Variants in LYPD6B observed in about 807,000 individuals in gnomAD.
LYPD6B encodes ly6/PLAUR domain-containing protein 6B.
In LYPD6B, 17 loss-of-function variants were observed where a neutral mutation model predicts 22.8. The ratio of observed to expected loss-of-function variants is 0.75; its 90% CI spans 0.51 to 1.12. The LOEUF is 1.12. Ranked by LOEUF, LYPD6B falls within the 50% of genes most tolerant of loss-of-function variation. The pLI is 0.00. For synonymous variants in LYPD6B, 106 were observed against 91.6 expected, an observed-to-expected ratio of 1.16 and a Z score of -0.90; for missense variants, 221 against 258.3, an observed-to-expected ratio of 0.86 and a Z score of 0.99.
intron 1 of LYPD6B, among the ~76,000 whole-genome samples, chr2:149,063,754 AATT>A (rs1368443065): frequency 6.6e-6 from 1 of 152,224 alleles, no homozygotes; most frequent in Non-Finnish European, 1.5e-5. Context: ...TTGCAAATCA[AATT>A]ATAGAAAAAG....
chr2:149,045,304 C>T (rs1459793506), intron 1 of LYPD6B, among the ~76,000 whole-genome samples: 1 of 151,936 alleles, frequency 6.6e-6, no homozygotes, highest in Non-Finnish European at 1.5e-5. Context: ...CTTATGTCTT[C>T]AGTCTTTTTC....
At chr2:149,208,469 G>A in intron 5 of LYPD6B, 57 bp downstream of exon 5, 4 of 1,309,792 alleles carry the variant, frequency 3.1e-6, no homozygotes, top group Admixed American at 1.7e-5. Flanking sequence ...AATCTCTCCT[G>A]ACTTGATGAT....
intron 3 of LYPD6B, among the ~76,000 whole-genome samples, chr2:149,183,995 C>A (rs578069168): frequency 4.7e-4 from 71 of 152,064 alleles, no homozygotes; most frequent in Non-Finnish European, 7.5e-4. Context: ...GAGTTTGAGA[C>A]CAGCCTGACT....
At chr2:149,211,534 A>C (rs1693852076) in intron 5 of LYPD6B, among the ~76,000 whole-genome samples, 1 of 152,116 alleles carries the variant, frequency 6.6e-6, no homozygotes, top group South Asian at 2.1e-4. Context: ...TACCTGGCTG[A>C]TAGTGCACAC....
chr2:149,147,024 G>A (rs1475160473), intron 2 of LYPD6B, among the ~76,000 whole-genome samples: 1 of 152,164 alleles, frequency 6.6e-6, no homozygotes, highest in Non-Finnish European at 1.5e-5. Context: ...GGATGGTCAG[G>A]TGAAGGGCTC....
intron 1 of LYPD6B, among the ~76,000 whole-genome samples, chr2:149,040,094 T>G (rs1683004359): frequency 6.6e-6 from 1 of 152,088 alleles, no homozygotes; most frequent in African/African-American, 2.4e-5. Flanking sequence ...GTATGGACGA[T>G]AAATAGGACT....
chr2:149,056,514 C>G (rs1020431346), intron 1 of LYPD6B, among the ~76,000 whole-genome samples: 1 of 151,956 alleles, frequency 6.6e-6, no homozygotes, highest in African/African-American at 2.4e-5. Flanking sequence ...AGAACTGGAG[C>G]CTTGGAAATC....
At chr2:149,072,482 T>TTTTTATTTTATTTTATTTTA (rs59980462) in intron 1 of LYPD6B, among the ~76,000 whole-genome samples, 7,246 of 129,726 alleles carry the variant, frequency 0.056, 350 homozygotes, top group Non-Finnish European at 0.074. Flanking sequence ...AGGGTGGTTA[T>TTTTTATTTTATTTTATTTTA]TTTTATTTTA....
At chr2:149,138,413 G>A (rs1374029247) in intron 2 of LYPD6B, among the ~76,000 whole-genome samples, 1 of 152,206 alleles carries the variant, frequency 6.6e-6, no homozygotes, top group East Asian at 1.9e-4. Flanking sequence ...AGGAGCTACT[G>A]ACTTTTATCT....
At chr2:149,069,373 A>G (rs115864106) in intron 1 of LYPD6B, among the ~76,000 whole-genome samples, 2,000 of 152,274 alleles carry the variant, frequency 0.013, 15 homozygotes, top group Admixed American at 0.021. Context: ...GTGTATACCT[A>G]AGAACAGCAG....
intron 1 of LYPD6B, among the ~76,000 whole-genome samples, chr2:149,056,900 A>G (rs919483477): frequency 1.1e-4 from 16 of 152,182 alleles, no homozygotes; most frequent in African/African-American, 3.6e-4. Flanking sequence ...TGAGTTACCC[A>G]AAAGCTTTGG....
chr2:149,041,225 A>G (rs568982020), intron 1 of LYPD6B, among the ~76,000 whole-genome samples: 13 of 152,026 alleles, frequency 8.6e-5, no homozygotes, highest in Admixed American at 7.9e-4. Flanking sequence ...TTTCTTGCTT[A>G]GAACATCTGA....
At position 149,127,710 on chromosome 2, in the gene LYPD6B, T is replaced by C. The variant is rs981166039; in HGVS notation, c.-66-3173T>C. 7.9e-5 allele frequency among the ~76,000 whole-genome samples: 12 copies of C among 152,194 alleles called. No homozygotes were observed. The East Asian group carries it at 1.2e-3, about 15-fold the overall frequency. On this transcript the variant is annotated intron_variant, in intron 1 of 6. Transcript: ENST00000409642. Reference sequence around the variant, plus strand: ...GTTGTATTTCCCCAGGATCCTGTTATACTGTAGCAGGAAGACCTTGCAGAA... The same window carrying C: ...GTTGTATTTCCCCAGGATCCTGTTACACTGTAGCAGGAAGACCTTGCAGAA...
chr2:149,156,437 C>G (rs229320), intron 2 of LYPD6B, among the ~76,000 whole-genome samples: 120,086 of 152,072 alleles, frequency 0.79, 47,670 homozygotes, highest in Non-Finnish European at 0.83. Context: ...CTTAGCTCAG[C>G]CTTCCATAAC....
chr2:149,202,408 T>C (rs1309621252), intron 3 of LYPD6B, among the ~76,000 whole-genome samples: 2 of 152,162 alleles, frequency 1.3e-5, no homozygotes, highest in African/African-American at 4.8e-5. Context: ...CTTCCCATCT[T>C]AGGACCTTGG....
At chr2:149,148,400 T>TTTGCCAA (rs779840249) in intron 2 of LYPD6B, among the ~76,000 whole-genome samples, 1 of 152,172 alleles carries the variant, frequency 6.6e-6, no homozygotes, top group South Asian at 2.1e-4. Context: ...TTTGCCAAAC[T>TTTGCCAA]ACAGATGTTG....
intron 1 of LYPD6B, among the ~76,000 whole-genome samples, chr2:149,050,417 A>G (rs1683497180): frequency 6.6e-6 from 1 of 152,184 alleles, no homozygotes; most frequent in Admixed American, 6.5e-5. Context: ...AATACTGCAC[A>G]GAAGCCAGAT....
intron 1 of LYPD6B, among the ~76,000 whole-genome samples, chr2:149,120,784 C>CTTTTTTTTTTTT (rs567231544): frequency 7.3e-5 from 7 of 95,554 alleles, no homozygotes; most frequent in African/African-American, 1.9e-4. Context: ...GCTACAAAGT[C>CTTTTTTTTTTTT]TTTTTTTTTT....
At chr2:149,052,982 A>C (rs1045682277) in intron 1 of LYPD6B, among the ~76,000 whole-genome samples, 6 of 152,168 alleles carry the variant, frequency 3.9e-5, no homozygotes, top group Non-Finnish European at 4.4e-5. Context: ...TACAGTAGCC[A>C]CTGTTCTTGG....
Sources: gnomAD v4.1 joint callset for allele counts (sites outside exome capture counted in the v4.1 genomes callset) on GRCh38, gnomAD v4.1.1 for gene constraint, MANE v1.5 for transcripts, NCBI Gene and HGNC (gene_info 2026-07-23, HGNC 2026-07-21) for gene names.